CGNL1: variants seen among roughly 807,000 people sequenced by gnomAD.
The protein encoded by CGNL1 is cingulin like 1.
In CGNL1, 132 loss-of-function variants were observed where a neutral mutation model predicts 141.2. That is an observed-to-expected ratio of 0.93 (90% CI 0.81 to 1.08). The LOEUF (loss-of-function observed/expected upper bound fraction) is 1.08. Ranked by LOEUF, CGNL1 falls within the 50% of genes least tolerant of loss-of-function variation. The pLI is 0.00. For synonymous variants in CGNL1, 690 were observed against 622.1 expected (o/e 1.11, Z -1.63); for missense variants, 1,870 against 1,588.6 (o/e 1.18, Z -3.01).
chr15:57,440,749 G>T (rs980258694), intron 3 of CGNL1, among the ~76,000 whole-genome samples: 2 of 152,136 alleles, frequency 1.3e-5, no homozygotes, highest in African/African-American at 4.8e-5. Context: ...CAAATTCAAA[G>T]ATAGGAGGAG....
chr15:57,456,900 T>C (rs1167649314), intron 7 of CGNL1, among the ~76,000 whole-genome samples: 1 of 152,252 alleles, frequency 6.6e-6, no homozygotes, highest in Non-Finnish European at 1.5e-5. Context: ...ATTAAAATAG[T>C]CTGGTTATAA....
intron 8 of CGNL1, among the ~76,000 whole-genome samples, chr15:57,491,177 C>A (rs1191269145): frequency 6.6e-6 from 1 of 152,090 alleles, no homozygotes; most frequent in African/African-American, 2.4e-5. Context: ...GACACATGTA[C>A]CATGTTCGTG....
chr15:57,528,447 C>G (rs1456529564), intron 12 of CGNL1, among the ~76,000 whole-genome samples: 2 of 152,066 alleles, frequency 1.3e-5, no homozygotes, highest in African/African-American at 4.8e-5. Context: ...TAATAGGTTG[C>G]TGCCTGTAGC....
chr15:57,380,861 A>G (rs1439662122), intron 1 of CGNL1, among the ~76,000 whole-genome samples: 3 of 152,194 alleles, frequency 2.0e-5, no homozygotes, highest in African/African-American at 7.2e-5. Context: ...TCCGCAACAG[A>G]GCTGAAAGGA....
At chr15:57,510,906 C>G (rs2030239498) in intron 8 of CGNL1, among the ~76,000 whole-genome samples, 1 of 152,122 alleles carries the variant, frequency 6.6e-6, no homozygotes, top group Admixed American at 6.5e-5. Flanking sequence ...TACAGCTGCT[C>G]CTGGGGCTCC....
chr15:57,441,843 G>C (rs1362500314), intron 3 of CGNL1, among the ~76,000 whole-genome samples: 1 of 152,152 alleles, frequency 6.6e-6, no homozygotes, highest in Non-Finnish European at 1.5e-5. Context: ...CGTGTTACCT[G>C]TGAAAGCCCA....
chr15:57,530,342 CATT>C (rs1468842918), intron 13 of CGNL1, among the ~76,000 whole-genome samples: 2 of 152,192 alleles, frequency 1.3e-5, no homozygotes, highest in Admixed American at 6.5e-5. Context: ...GCTATTTTCT[CATT>C]AATTACAAAA....
At chr15:57,386,581 C>T (rs1323846424) in intron 1 of CGNL1, among the ~76,000 whole-genome samples, 1 of 152,180 alleles carries the variant, frequency 6.6e-6, no homozygotes. Flanking sequence ...AGGTCAGCCA[C>T]TCACAGGCTG....
chr15:57,516,610 G>A (rs2030818572), intron 8 of CGNL1, among the ~76,000 whole-genome samples, 170 bp from the exon 9 acceptor site: 1 of 152,216 alleles, frequency 6.6e-6, no homozygotes, highest in Non-Finnish European at 1.5e-5. Flanking sequence ...TTTCAAAACA[G>A]GTGAGGGGCT....
At chr15:57,479,706 T>G (rs572027115) in intron 8 of CGNL1, among the ~76,000 whole-genome samples, 1 of 152,068 alleles carries the variant, frequency 6.6e-6, no homozygotes, top group Non-Finnish European at 1.5e-5. Flanking sequence ...CAGAGCAGTT[T>G]GAAGAAACTT....
rs775045747 is a variant in CGNL1 at position 57,543,723 on chromosome 15, C to T, written c.3319C>T (p.Gln1107Ter). The change falls in exon 15 of 19, where the codon CAG becomes TAG. Residue 1107 changes from glutamine (Q) to a stop codon, truncating the protein, a stop_gained. Coordinates refer to ENST00000281282, the MANE Select transcript of CGNL1 (RefSeq NM_032866.5). LOFTEE classifies it high-confidence loss of function. ...GGAGCAGTTGAGGAATGAGCTACTT[C>T]AGGAGAGAGCTGCGAGACAAGACTT... ...QMEQLRNELL[Q>*]ERAARQDLEC... 3 of 1,614,030 alleles carry T rather than the reference C, an allele frequency of 1.9e-6. No homozygotes were observed. The highest frequency in any genetic ancestry group is 1.7e-4 in the Middle Eastern group (1 of 6,060).
At position 57,545,720 on chromosome 15, in the gene CGNL1, A is replaced by G. The variant is rs1260151895; in HGVS notation, c.3609+20A>G. The G allele has an allele frequency of 1.3e-6, 2 of 1,588,398 alleles. No homozygotes were observed. Among genetic ancestry groups the G allele is most frequent in the East Asian group, 2.2e-5 (1 of 44,490 alleles). ...GACCAGGTGGGGAGCCTCTGCGTGC[A>G]TTTGCTCTTAGATGAGATTGCGTGT... is the stretch of plus-strand genomic sequence containing the variant. On this transcript the variant is annotated intron_variant, in intron 17 of 18. Coordinates refer to ENST00000281282, the MANE Select transcript of CGNL1 (RefSeq NM_032866.5).
intron 8 of CGNL1, among the ~76,000 whole-genome samples, chr15:57,514,106 ATATGCATGT>A (rs1238475045): frequency 6.6e-6 from 1 of 152,070 alleles, no homozygotes; most frequent in African/African-American, 2.4e-5. Context: ...ATATGTTTTC[ATATGCATGT>A]TGGATTTTAT....
intron 1 of CGNL1, among the ~76,000 whole-genome samples, chr15:57,410,006 C>T (rs200435291): frequency 1.3e-5 from 2 of 151,842 alleles, no homozygotes; most frequent in African/African-American, 4.8e-5. Context: ...ATTAAAGGCA[C>T]AAGCCGTTAG....
chr15:57,546,666 C>T (rs1419216602), intron 18 of CGNL1, among the ~76,000 whole-genome samples: 3 of 152,300 alleles, frequency 2.0e-5, no homozygotes, highest in Middle Eastern at 3.4e-3. Flanking sequence ...GAGAGAGCAG[C>T]TCTCTGAAGC....
At chr15:57,465,819 CACT>C (rs1272450176) in intron 8 of CGNL1, among the ~76,000 whole-genome samples, 1 of 152,186 alleles carries the variant, frequency 6.6e-6, no homozygotes, top group Non-Finnish European at 1.5e-5. Flanking sequence ...AAATAACCAG[CACT>C]TTATCCTAGC....
intron 8 of CGNL1, among the ~76,000 whole-genome samples, chr15:57,467,345 T>A (rs757383945): frequency 2.0e-5 from 3 of 152,050 alleles, no homozygotes; most frequent in Non-Finnish European, 4.4e-5. Flanking sequence ...GGGGACAGTA[T>A]TTGAGTTGGA....
intron 14 of CGNL1, among the ~76,000 whole-genome samples, chr15:57,534,693 C>G (rs1371937369): frequency 6.6e-6 from 1 of 152,214 alleles, no homozygotes; most frequent in African/African-American, 2.4e-5. Flanking sequence ...TCTCCCCCAT[C>G]AAATGCTGAC....
At chr15:57,417,379 G>A (rs938393303) in intron 1 of CGNL1, among the ~76,000 whole-genome samples, 3 of 151,996 alleles carry the variant, frequency 2.0e-5, no homozygotes, top group Non-Finnish European at 4.4e-5. Flanking sequence ...GATTACAGGC[G>A]TGTGCCACCA....
Sources: allele counts gnomAD v4.1 joint callset (sites outside exome capture counted in the v4.1 genomes callset), GRCh38; gene constraint gnomAD v4.1.1; transcripts MANE v1.5; gene names NCBI Gene and HGNC (gene_info 2026-07-23, HGNC 2026-07-21).